Variants in COL25A1 observed in about 807,000 individuals in gnomAD.
COL25A1 encodes the protein collagen alpha-1(XXV) chain.
In COL25A1, 103 loss-of-function variants were observed where a neutral mutation model predicts 128.4. The ratio of observed to expected loss-of-function variants is 0.80; its 90% CI spans 0.68 to 0.94. The LOEUF (loss-of-function observed/expected upper bound fraction) is 0.94, where lower values mean the gene tolerates loss of function less well. Among genes scored for constraint, COL25A1 ranks in the 40% least tolerant of loss-of-function variants. COL25A1 has a pLI of 0.00. For missense variants in COL25A1, 745 were observed against 840.0 expected (o/e 0.89, Z 1.40); for synonymous variants, 279 against 277.2 (o/e 1.01, Z -0.06).
chr4:109,109,656 T>C, intron 3 of COL25A1, among the ~76,000 whole-genome samples: 1 of 152,238 alleles, frequency 6.6e-6, no homozygotes, highest in Middle Eastern at 3.2e-3. Flanking sequence ...CACCAGGTGC[T>C]CTGTGCCTGG....
Position 108,908,459 on chromosome 4 carries a change from T to C in COL25A1, c.781-7287A>G, listed in dbSNP as rs187422519. On this transcript the variant is annotated intron_variant, in intron 13 of 37. Coordinates refer to ENST00000399132, the MANE Select transcript of COL25A1 (RefSeq NM_198721.4). ...TGCATCCCCAATCCCTGATTCTTTTTCTTTATCATTCCGGGAAGCAGAGGA... is the reference window on the plus strand; with the variant it reads ...TGCATCCCCAATCCCTGATTCTTTTCCTTTATCATTCCGGGAAGCAGAGGA... Among the ~76,000 whole-genome samples, 10 of 152,302 alleles carry C rather than the reference T, an allele frequency of 6.6e-5. No homozygotes were observed. In the East Asian group the frequency reaches 1.7e-3, roughly 26 times the overall value.
intron 3 of COL25A1, among the ~76,000 whole-genome samples, chr4:109,208,495 A>AG (rs953553669): frequency 1.1e-4 from 17 of 151,818 alleles, no homozygotes; most frequent in Non-Finnish European, 1.9e-4. Flanking sequence ...AAAAAAAAAA[A>AG]AACAAATTAT....
chr4:109,023,832 C>T (rs761962929), intron 5 of COL25A1, among the ~76,000 whole-genome samples: 2 of 152,304 alleles, frequency 1.3e-5, no homozygotes, highest in Middle Eastern at 3.4e-3. Context: ...CAGAAGAACA[C>T]TGTGCCTGCT....
At chr4:108,902,071 T>C (rs12647177) in intron 13 of COL25A1, among the ~76,000 whole-genome samples, 71,352 of 151,800 alleles carry the variant, frequency 0.47, 19,016 homozygotes, top group East Asian at 0.93. Flanking sequence ...AAAGTTGCTC[T>C]TTGGTTGATT....
intron 32 of COL25A1, among the ~76,000 whole-genome samples, chr4:108,828,313 T>G (rs890668893): frequency 6.6e-6 from 1 of 151,990 alleles, no homozygotes; most frequent in Admixed American, 6.6e-5. Context: ...TTTTGTATTT[T>G]TAGTAGAGAT....
intron 3 of COL25A1, among the ~76,000 whole-genome samples, chr4:109,085,758 G>A (rs1764299654): frequency 6.6e-6 from 1 of 152,102 alleles, no homozygotes; most frequent in South Asian, 2.1e-4. Context: ...AAATCTTTGT[G>A]CATACTCCAA....
At chr4:109,155,725 A>T (rs1254117007) in intron 3 of COL25A1, among the ~76,000 whole-genome samples, 1 of 152,240 alleles carries the variant, frequency 6.6e-6, no homozygotes, top group Non-Finnish European at 1.5e-5. Context: ...ACGGACCAAC[A>T]GAGCAATTCA....
chr4:109,180,522 G>A lies in COL25A1; in HGVS notation c.367+120061C>T, dbSNP rs111451204. 4.8e-3 allele frequency among the ~76,000 whole-genome samples: 736 copies of A among 152,186 alleles called. 6 individuals carry two copies. Among genetic ancestry groups the A allele is most frequent in the African/African-American group, 0.016 (676 of 41,544 alleles). On this transcript the variant is annotated intron_variant, in intron 3 of 37. Transcript: ENST00000399132. ...GTTGTATCTATTGCACAGGATTGCT[G>A]TAATAATTAAATGAATTACTGGATA... is the stretch of plus-strand genomic sequence containing the variant.
intron 6 of COL25A1, among the ~76,000 whole-genome samples, chr4:108,974,770 T>A (rs1389330317): frequency 6.6e-6 from 1 of 152,152 alleles, no homozygotes; most frequent in Non-Finnish European, 1.5e-5. Flanking sequence ...GTACATATCA[T>A]GTCATAAGTA....
intron 5 of COL25A1, among the ~76,000 whole-genome samples, chr4:109,029,666 C>T (rs542820037): frequency 2.0e-4 from 31 of 152,052 alleles, no homozygotes; most frequent in African/African-American, 5.1e-4. Context: ...TGGTGCTATC[C>T]GCAGTTTGAG....
chr4:108,996,696 CTTA>C (rs759936548), intron 6 of COL25A1, among the ~76,000 whole-genome samples: 1 of 152,202 alleles, frequency 6.6e-6, no homozygotes, highest in African/African-American at 2.4e-5. Context: ...CCACATCGTA[CTTA>C]TTCCAAAATT....
intron 3 of COL25A1, among the ~76,000 whole-genome samples, chr4:109,283,818 T>C (rs1374087138): frequency 2.0e-5 from 3 of 152,220 alleles, no homozygotes; most frequent in African/African-American, 4.8e-5. Context: ...ACACTTTCTT[T>C]ACTAACCTTA....
intron 6 of COL25A1, among the ~76,000 whole-genome samples, chr4:108,981,361 A>T (rs1299153377): frequency 6.6e-6 from 1 of 152,216 alleles, no homozygotes; most frequent in Non-Finnish European, 1.5e-5. Context: ...TCAAACCACT[A>T]AGTTGTTTTA....
intron 3 of COL25A1, among the ~76,000 whole-genome samples, chr4:109,139,587 C>G (rs930357495): frequency 6.6e-6 from 1 of 152,016 alleles, no homozygotes; most frequent in Non-Finnish European, 1.5e-5. Context: ...GAATCTTTTC[C>G]CTGTTGCTTG....
At chr4:109,169,247 A>G (rs1336729684) in intron 3 of COL25A1, among the ~76,000 whole-genome samples, 2 of 152,102 alleles carry the variant, frequency 1.3e-5, no homozygotes. Flanking sequence ...CATACAATTT[A>G]CTTTGCTTAA....
chr4:109,214,061 C>T (rs902825299), intron 3 of COL25A1, among the ~76,000 whole-genome samples: 2 of 152,080 alleles, frequency 1.3e-5, no homozygotes, highest in African/African-American at 4.8e-5. Context: ...CCTGATTTCT[C>T]CCTGTAACCA....
intron 3 of COL25A1, among the ~76,000 whole-genome samples, chr4:109,261,412 G>A (rs1258791137): frequency 6.6e-6 from 1 of 152,146 alleles, no homozygotes; most frequent in African/African-American, 2.4e-5. Flanking sequence ...TGCTACTTGG[G>A]AGGCTGAGAC....
chr4:109,264,609 C>T (rs1255296127), intron 3 of COL25A1, among the ~76,000 whole-genome samples: 1 of 152,162 alleles, frequency 6.6e-6, no homozygotes, highest in Non-Finnish European at 1.5e-5. Context: ...GAACGATGAG[C>T]ATCATTCACT....
At chr4:109,152,098 A>AG (rs1235009893) in intron 3 of COL25A1, among the ~76,000 whole-genome samples, 1 of 151,798 alleles carries the variant, frequency 6.6e-6, no homozygotes, top group Non-Finnish European at 1.5e-5. Context: ...TTTTTAATAA[A>AG]AAAAAAAAAA....
Sources: gnomAD v4.1 joint callset for allele counts (sites outside exome capture counted in the v4.1 genomes callset) on GRCh38, gnomAD v4.1.1 for gene constraint, MANE v1.5 for transcripts, NCBI Gene and HGNC (gene_info 2026-07-23, HGNC 2026-07-21) for gene names.